Variants in NEMF observed in about 807,000 individuals in gnomAD.
NEMF encodes ribosome quality control complex subunit NEMF.
In NEMF, 89 loss-of-function variants were observed where a neutral mutation model predicts 162.2. The ratio of observed to expected loss-of-function variants is 0.55; its 90% CI spans 0.46 to 0.65. NEMF has a LOEUF of 0.65. Ranked by LOEUF, NEMF falls within the 30% of genes least tolerant of loss-of-function variation. The pLI is 0.00. For missense variants in NEMF, 1,133 were observed against 1,261.9 expected (o/e 0.90, Z 1.55); for synonymous variants, 421 against 404.5 (o/e 1.04, Z -0.49).
At chr14:49,819,780 G>C (rs1891904800) in intron 16 of NEMF, among the ~76,000 whole-genome samples, 1 of 152,102 alleles carries the variant, frequency 6.6e-6, no homozygotes, top group East Asian at 1.9e-4. Flanking sequence ...CCCTGAGGTA[G>C]AGCAATTGCA....
intron 20 of NEMF, 43 bp from the exon 21 acceptor site, chr14:49,802,770 C>T: frequency 6.7e-7 from 1 of 1,503,288 alleles, no homozygotes; most frequent in South Asian, 1.2e-5. Flanking sequence ...AATCAGTCTT[C>T]TCCATTTTTT....
At chr14:49,802,062 ATCC>A (rs1890980461) in intron 22 of NEMF, among the ~76,000 whole-genome samples, 1 of 151,564 alleles carries the variant, frequency 6.6e-6, no homozygotes, top group African/African-American at 2.4e-5. Context: ...GGTTCAAGCA[ATCC>A]TCCTACCTCA....
At chr14:49,794,470 TG>T (rs1594731895) in intron 26 of NEMF, among the ~76,000 whole-genome samples, 1 of 152,030 alleles carries the variant, frequency 6.6e-6, no homozygotes, top group Non-Finnish European at 1.5e-5. Flanking sequence ...TAGCCTAGTG[TG>T]GTGGCATGCA....
chr14:49,836,125 C>A (rs919806802), intron 6 of NEMF, among the ~76,000 whole-genome samples: 3 of 152,102 alleles, frequency 2.0e-5, no homozygotes, highest in African/African-American at 7.2e-5. Flanking sequence ...ACTAAAAACA[C>A]AAAACTTAGT....
At chr14:49,808,705 T>A (rs1168252589) in intron 18 of NEMF, among the ~76,000 whole-genome samples, 1 of 151,210 alleles carries the variant, frequency 6.6e-6, no homozygotes, top group Non-Finnish European at 1.5e-5. Context: ...CTTTTGCATG[T>A]GGATATCTAG....
At chr14:49,832,333 CTT>C (rs56170989) in intron 8 of NEMF, 56 bp from the exon 9 acceptor site, 150,058 of 726,960 alleles carry the variant, frequency 0.21, no homozygotes, top group South Asian at 0.26. Flanking sequence ...AGATTTACTT[CTT>C]TTTTTTTTTT....
chr14:49,838,597 T>C (rs1486041368), intron 5 of NEMF, among the ~76,000 whole-genome samples: 2 of 150,882 alleles, frequency 1.3e-5, no homozygotes, highest in African/African-American at 4.9e-5. Flanking sequence ...TTTTTTTTTT[T>C]TTTTTGAGAC....
intron 29 of NEMF, chr14:49,786,504 C>T: frequency 1.8e-6 from 1 of 559,638 alleles, no homozygotes; most frequent in East Asian, 2.9e-5. Flanking sequence ...GGACATTATC[C>T]CCATTCTTCA....
chr14:49,800,194 T>G (rs1890890925), intron 23 of NEMF, among the ~76,000 whole-genome samples: 1 of 152,190 alleles, frequency 6.6e-6, no homozygotes, highest in Admixed American at 6.5e-5. Context: ...TTATAACCAT[T>G]TACTTGTTTC....
At chr14:49,791,105 G>A (rs1890421733) in intron 26 of NEMF, among the ~76,000 whole-genome samples, 4 of 151,738 alleles carry the variant, frequency 2.6e-5, no homozygotes, top group East Asian at 1.9e-4. Flanking sequence ...GGTGGCCGAG[G>A]CGGGTGGATC....
intron 19 of NEMF, among the ~76,000 whole-genome samples, chr14:49,805,647 C>A (rs1891153172): frequency 6.6e-6 from 1 of 151,172 alleles, no homozygotes; most frequent in South Asian, 2.1e-4. Context: ...AATATTCCAA[C>A]AAAGATGAAC....
intron 3 of NEMF, among the ~76,000 whole-genome samples, chr14:49,850,105 G>A (rs1893698808): frequency 6.6e-6 from 1 of 152,068 alleles, no homozygotes; most frequent in African/African-American, 2.4e-5. Context: ...TGTTTCAGGT[G>A]CCTTTCTTTT....
chr14:49,838,874 G>A (rs137859886), intron 5 of NEMF, among the ~76,000 whole-genome samples: 7 of 152,026 alleles, frequency 4.6e-5, no homozygotes, highest in East Asian at 3.9e-4. Flanking sequence ...GTGAGACACC[G>A]TGCCCAGCCA....
intron 14 of NEMF, 41 bp downstream of exon 14, chr14:49,828,575 C>A (rs766605281): frequency 5.0e-6 from 7 of 1,410,008 alleles, no homozygotes; most frequent in Non-Finnish European, 4.8e-6. Flanking sequence ...TAATTTATTG[C>A]AGATAACACT....
At chr14:49,822,674 A>T (rs1472945867) in intron 16 of NEMF, among the ~76,000 whole-genome samples, 3 of 148,084 alleles carry the variant, frequency 2.0e-5, no homozygotes, top group Admixed American at 6.7e-5. Context: ...TACTTAAAAA[A>T]AAAAAAAAAA....
intron 3 of NEMF, among the ~76,000 whole-genome samples, chr14:49,848,833 C>CAAA (rs36090515): frequency 1.6e-3 from 66 of 40,386 alleles, no homozygotes; most frequent in Admixed American, 2.2e-3. Context: ...GACTCCGTCT[C>CAAA]AAAAAAAAAA....
chr14:49,826,493 G>A (rs762256022), intron 15 of NEMF, among the ~76,000 whole-genome samples: 6 of 140,768 alleles, frequency 4.3e-5, no homozygotes, highest in South Asian at 2.2e-4. Flanking sequence ...AATCCTCAAC[G>A]ACTAACGGGG....
intron 18 of NEMF, among the ~76,000 whole-genome samples, chr14:49,806,496 A>G (rs5015779): frequency 0.97 from 145,742 of 150,266 alleles, 70,860 homozygotes; most frequent in Middle Eastern, 1. Context: ...TCCTGACCTC[A>G]TGATCCACCC....
At chr14:49,844,673 T>C in intron 4 of NEMF, 1 of 168,646 alleles carries the variant, frequency 5.9e-6, no homozygotes, top group Non-Finnish European at 1.3e-5. Flanking sequence ...TATGCTTACC[T>C]CAGACCAGAT....
Sources: allele counts gnomAD v4.1 joint callset (sites outside exome capture counted in the v4.1 genomes callset), GRCh38; gene constraint gnomAD v4.1.1; transcripts MANE v1.5; gene names NCBI Gene and HGNC (gene_info 2026-07-23, HGNC 2026-07-21).